EHBP1L1: variants seen among roughly 807,000 people sequenced by gnomAD.
EHBP1L1 encodes the protein EH domain binding protein 1 like 1.
A neutral mutation model predicts 151.1 loss-of-function variants in EHBP1L1; 122 were observed. The ratio of observed to expected loss-of-function variants is 0.81; its 90% CI spans 0.70 to 0.94. The LOEUF is 0.94. Ranked by LOEUF, EHBP1L1 falls within the 40% of genes least tolerant of loss-of-function variation. EHBP1L1 has a pLI of 0.00. For synonymous variants in EHBP1L1, 878 were observed against 810.1 expected, an observed-to-expected ratio of 1.08 and a Z score of -1.42; for missense variants, 1,941 against 1,959.8, an observed-to-expected ratio of 0.99 and a Z score of 0.18.
chr11:65,591,766 A>ACCC (rs71036214), intron 16 of EHBP1L1, 34 bp from the exon 17 acceptor site: 4 of 808,302 alleles, frequency 4.9e-6, no homozygotes, highest in Non-Finnish European at 8.3e-6. Flanking sequence ...CTGAACTGCC[A>ACCC]CCCCCCCGCC....
chr11:65,581,273 G>A lies in EHBP1L1; in HGVS notation c.766G>A (p.Ala256Thr), dbSNP rs762857967. 15 of 1,611,964 alleles carry A rather than the reference G, an allele frequency of 9.3e-6. No individual in the cohort carries two copies. Among genetic ancestry groups the A allele is most frequent in the Non-Finnish European group, 1.1e-5 (13 of 1,179,614 alleles). The change falls in exon 8 of 19, where the codon GCC becomes ACC. Residue 256 changes from alanine (A) to threonine (T), a missense_variant. Physicochemically the swap from Ala to Thr is moderately conservative, Grantham distance 58 (BLOSUM62 0). Coordinates refer to ENST00000309295, the MANE Select transcript of EHBP1L1 (RefSeq NM_001099409.3). Reference sequence around the variant, plus strand: ...CCCTGTGAGTGCTCCTGCACCCCCAGCCAGAACCTCCCGAGGCCAGGGGTC... The same window carrying A: ...CCCTGTGAGTGCTCCTGCACCCCCAACCAGAACCTCCCGAGGCCAGGGGTC... ...PAPVSAPAPP[A>T]RTSRGQGSER...
intron 9 of EHBP1L1, 95 bp downstream of exon 9, chr11:65,583,860 G>C: frequency 7.0e-7 from 1 of 1,426,484 alleles, no homozygotes; most frequent in Non-Finnish European, 9.1e-7. Context: ...CTGGTGGAAT[G>C]GGATCGGGTG....
chr11:65,583,378 A>C lies in EHBP1L1; in HGVS notation c.2706A>C (p.Leu902Phe). 6.2e-7 allele frequency: 1 copy of C among 1,613,546 alleles called. No homozygotes were observed. The highest frequency in any genetic ancestry group is 8.5e-7 in the Non-Finnish European group (1 of 1,179,724). The change falls in exon 9 of 19, where the codon TTA (leucine) becomes TTC (phenylalanine). Residue 902 changes from leucine to phenylalanine, a missense_variant. Leu to Phe is a conservative substitution (Grantham distance 22, BLOSUM62 0). Coordinates refer to ENST00000309295, the MANE Select transcript of EHBP1L1 (RefSeq NM_001099409.3). ...GGAGTGCTCTCAAATATGAGGCTTT[A>C]AGGGCCCCAGTCACTCAGCCAAGAG... Reference protein sequence around the residue: ...RVGSALKYEALRAPVTQPRVL... With the variant: ...RVGSALKYEAFRAPVTQPRVL...
chr11:65,588,078 T>C (rs1858067500), intron 12 of EHBP1L1, among the ~76,000 whole-genome samples: 1 of 150,322 alleles, frequency 6.7e-6, no homozygotes, highest in African/African-American at 2.4e-5. Context: ...GGAGCTGTGA[T>C]GGGGGAGGCC....
At position 65,579,440 on chromosome 11, in the gene EHBP1L1, A is replaced by G. The variant is rs1214587169; in HGVS notation, c.258+4A>G. 8 of 1,504,932 alleles carry G rather than the reference A, an allele frequency of 5.3e-6. No individual in the cohort carries two copies. The highest frequency in any genetic ancestry group is 2.4e-5 in the East Asian group (1 of 41,728). The allele number at this position is 1,504,932 out of a possible 1,614,324, so 93.2% of individuals were successfully genotyped here. ...CATCTCTGTGACCCTCTACAGGGTG[A>G]GTCTCTAGCCCTCCAGCATGGATGG... On this transcript the variant is annotated splice_donor_region_variant and intron_variant, in intron 3 of 18. Transcript: ENST00000309295.
At position 65,582,131 on chromosome 11, in the gene EHBP1L1, G is replaced by A. The variant is rs573095833; in HGVS notation, c.1459G>A (p.Gly487Arg). The A allele has an allele frequency of 6.3e-7, 1 of 1,592,150 alleles. No individual in the cohort carries two copies. Among genetic ancestry groups the A allele is most frequent in the Non-Finnish European group, 8.5e-7 (1 of 1,169,664 alleles). The change falls in exon 9 of 19, where the codon GGG (glycine) becomes AGG (arginine). Residue 487 changes from glycine (G) to arginine (R), a missense_variant. Transcript: ENST00000309295. ...GLSLPPAEPA[G>R]HSGQLGDLEG... ...GAGCCTGCCCCCAGCGGAGCCTGCA[G>A]GGCACTCTGGGCAACTTGGTGACCT...
intron 1 of EHBP1L1, among the ~76,000 whole-genome samples, chr11:65,577,465 G>A (rs1857385286): frequency 6.6e-6 from 1 of 152,214 alleles, no homozygotes; most frequent in South Asian, 2.1e-4. Flanking sequence ...TCCTGCTCCA[G>A]CATCCTGCGG....
intron 3 of EHBP1L1, 37 bp from the exon 4 acceptor site, chr11:65,579,899 C>G: frequency 6.2e-7 from 1 of 1,608,270 alleles, no homozygotes; most frequent in Non-Finnish European, 8.5e-7. Flanking sequence ...TGCTGCTGCC[C>G]CAACAGTCCT....
At chr11:65,586,526 G>A (rs114601370) in intron 12 of EHBP1L1, among the ~76,000 whole-genome samples, 2,939 of 152,330 alleles carry the variant, frequency 0.019, 102 homozygotes, top group African/African-American at 0.066. Context: ...GTTTTTCCCA[G>A]GTGAAAAATG....
chr11:65,581,700 C>T lies in EHBP1L1; in HGVS notation c.1028C>T (p.Ala343Val). 2 of 1,580,850 alleles carry T rather than the reference C, an allele frequency of 1.3e-6. No individual in the cohort carries two copies. The highest frequency in any genetic ancestry group is 2.3e-5 in the East Asian group (1 of 43,076). ...AGLGSARETQ[A>V]QACPQEGTEA... ...TTGGGCTCTGCTAGGGAGACCCAGG[C>T]CCAGGCATGCCCTCAGGAAGGGACA... Residue 343 changes from alanine (A) to valine (V), a missense_variant, in exon 9 of 19, where the codon GCC becomes GTC. Transcript: ENST00000309295.
At chr11:65,579,831 A>G in intron 3 of EHBP1L1, 105 bp from the exon 4 acceptor site, 4 of 1,282,484 alleles carry the variant, frequency 3.1e-6, no homozygotes, top group Non-Finnish European at 3.2e-6. Context: ...CGTCTCAAAA[A>G]AAAAAAAAAA....
At chr11:65,580,915 TCTCTTCTCGCAGGCCGGGGCGGTGCC>T in intron 6 of EHBP1L1, 117 bp from the exon 7 acceptor site, 1 of 1,437,488 alleles carries the variant, frequency 7.0e-7, no homozygotes, top group Non-Finnish European at 9.1e-7. Flanking sequence ...TGTGGGCCTG[TCTCTTCTCGCAGGCCGGGGCGGTGCC>T]CTGAGGCCAG....
In EHBP1L1 at chr11:65,585,311, C is replaced by A; in HGVS notation, c.3653C>A (p.Ser1218Tyr). 2 of 1,080,050 alleles carry A rather than the reference C, an allele frequency of 1.9e-6. No homozygotes were observed. Among genetic ancestry groups the A allele is most frequent in the African/African-American group, 3.4e-5 (2 of 58,372 alleles). 66.9% of individuals were successfully genotyped at this position (1,080,050 alleles called of 1,614,324 possible). ...AGGAACGCGGTCGCGGGCCGCGCCT[C>A]CAAGGACGGCGGGGCCGAGGCCCCC... ...ASRNAVAGRA[S>Y]KDGGAEAPRE... is the part of the protein sequence containing the mutation. Residue 1218 changes from serine (S) to tyrosine (Y), a missense_variant, in exon 12 of 19, where the codon TCC becomes TAC. By Grantham distance (144) the Ser-to-Tyr change is moderately radical. Coordinates refer to ENST00000309295, the MANE Select transcript of EHBP1L1 (RefSeq NM_001099409.3). The surrounding 1 kb of genome is among the most constrained non-coding windows in gnomAD (Gnocchi z 4.0).
At chr11:65,587,384 AAAAG>A (rs1158393010) in intron 12 of EHBP1L1, among the ~76,000 whole-genome samples, 1 of 152,024 alleles carries the variant, frequency 6.6e-6, no homozygotes, top group Non-Finnish European at 1.5e-5. Flanking sequence ...AAAAAAAAAA[AAAAG>A]AGGAATTTGA....
rs936300156 is a variant in EHBP1L1, at chr11:65,584,771, G to T, written c.3301-188G>T. 6 of 961,614 alleles carry T rather than the reference G, an allele frequency of 6.2e-6. 1 individual carries two copies. The highest frequency in any genetic ancestry group is 1.7e-5 in the African/African-American group (1 of 60,588). 59.6% of individuals were successfully genotyped at this position (961,614 alleles called of 1,614,324 possible). On this transcript the variant is annotated intron_variant, in intron 11 of 18. Coordinates refer to ENST00000309295, the MANE Select transcript of EHBP1L1 (RefSeq NM_001099409.3). ...ACCACCCTTTGGTAACGGGGTGGAC[G>T]GTGTGCCGTTGCTAAGCAACGCGAG...
Position 65,582,629 on chromosome 11 carries a change from A to G in EHBP1L1, c.1957A>G (p.Thr653Ala). ...AGGGACAGAGACTGAGGTATTGGGG[A>G]CCCAGAAAACAGAAGCTGGGGGTTC... Reference protein sequence around the residue: ...TPGTETEVLGTQKTEAGGSGV... With the variant: ...TPGTETEVLGAQKTEAGGSGV... The change falls in exon 9 of 19, where the codon ACC (threonine) becomes GCC (alanine). Residue 653 changes from threonine (T) to alanine (A), a missense_variant. Physicochemically the swap from Thr to Ala is moderately conservative, Grantham distance 58. Coordinates refer to ENST00000309295, the MANE Select transcript of EHBP1L1 (RefSeq NM_001099409.3). 6.2e-7 allele frequency: 1 copy of G among 1,612,538 alleles called. No homozygotes were observed.
intron 6 of EHBP1L1, among the ~76,000 whole-genome samples, chr11:65,580,749 G>A (rs143773917): frequency 1.5e-3 from 227 of 152,246 alleles, no homozygotes; most frequent in African/African-American, 5.3e-3. Flanking sequence ...TGCCAGGCCC[G>A]TACCTGACCC....
rs1192185921 is a variant in EHBP1L1, at chr11:65,592,270, T to A, written c.4540T>A (p.Leu1514Met). Residue 1514 changes from leucine (L) to methionine (M), a missense_variant, in exon 19 of 19, where the codon TTG becomes ATG. Physicochemically the swap from Leu to Met is conservative, Grantham distance 15. Transcript: ENST00000309295. ...EQRRRKLSRQ[L>M]SRRERCVLS ...GCGGCGCCGCAAGCTGAGCCGGCAGTTGAGCCGGCGGGAGCGCTGCGTGCT... is the reference window on the plus strand; with the variant it reads ...GCGGCGCCGCAAGCTGAGCCGGCAGATGAGCCGGCGGGAGCGCTGCGTGCT... 3 of 1,531,426 alleles carry A rather than the reference T, an allele frequency of 2.0e-6. No individual in the cohort carries two copies. The highest frequency in any genetic ancestry group is 2.6e-6 in the Non-Finnish European group (3 of 1,145,300). The allele number at this position is 1,531,426 out of a possible 1,614,324, so 94.9% of individuals were successfully genotyped here.
In EHBP1L1 at chr11:65,585,437, G is replaced by T; in HGVS notation, c.3779G>T (p.Gly1260Val). Residue 1260 changes from glycine (G) to valine (V), a missense_variant, in exon 12 of 19, where the codon GGG (glycine) becomes GTG (valine). Gly to Val is a moderately radical substitution (Grantham distance 109, BLOSUM62 -3). Transcript: ENST00000309295. This position sits in a 1 kb window ranked among gnomAD's most constrained non-coding sequence, Gnocchi z 4.0. ...AGGCTGCGACGGCCCTCGGTCAACG[G>T]GGAGCCCGGGTCGGTGCCCCCGCCC... ...GVRLRRPSVN[G>V]EPGSVPPPRA... The T allele has an allele frequency of 6.7e-7, 1 of 1,492,106 alleles. No homozygotes were observed. The highest frequency in any genetic ancestry group is 8.9e-7 in the Non-Finnish European group (1 of 1,126,920). The allele number at this position is 1,492,106 out of a possible 1,614,324, so 92.4% of individuals were successfully genotyped here. A position where few individuals can be genotyped will look rare whatever the true frequency, so the allele number is the denominator to read the frequency against.
Sources: gnomAD v4.1 joint callset for allele counts (sites outside exome capture counted in the v4.1 genomes callset) on GRCh38, gnomAD v4.1.1 for gene constraint, Gnocchi (gnomAD v3.1) non-coding constraint, MANE v1.5 for transcripts, NCBI Gene and HGNC (gene_info 2026-07-23, HGNC 2026-07-21) for gene names.